NLRP3: variants seen among roughly 807,000 people sequenced by gnomAD.
NLRP3 encodes NLR family pyrin domain containing 3.
In NLRP3, 48 loss-of-function variants were observed where a neutral mutation model predicts 91.3. That is an observed-to-expected ratio of 0.53 (90% CI 0.42 to 0.67). The LOEUF is 0.67. Ranked by LOEUF, NLRP3 falls within the 30% of genes least tolerant of loss-of-function variation. The pLI, the probability that NLRP3 is intolerant of heterozygous loss-of-function variation, is 0.00. For synonymous variants in NLRP3, 561 were observed against 507.9 expected, an observed-to-expected ratio of 1.10 and a Z score of -1.41; for missense variants, 982 against 1,276.9, an observed-to-expected ratio of 0.77 and a Z score of 3.52.
chr1:247,424,911 AG>A lies in NLRP3; in HGVS notation c.1464del (p.Asn489IlefsTer13). ...QKILFEESDL[R>X]NHGLQKADVS... is the part of the protein sequence containing the mutation. ...AATCCTGTTTGAGGAGTCCGACCTC[AG>A]GAATCATGGACTGCAGAAGGCGGAT... On this transcript the variant is annotated frameshift_variant, in exon 4 of 10. Transcript: ENST00000336119. LOFTEE classifies it high-confidence loss of function. The surrounding 1 kb of genome is among the most constrained non-coding windows in gnomAD (Gnocchi z 8.1). 1 of 1,612,498 alleles carries A rather than the reference AG, an allele frequency of 6.2e-7. No individual in the cohort carries two copies. The highest frequency in any genetic ancestry group is 2.2e-5 in the East Asian group (1 of 44,876).
Position 247,419,279 on chromosome 1 carries a change from C to T in NLRP3, c.277+202C>T, listed in dbSNP as rs1019039721. ...AAGCGATTTTCCTGCCTCAGCCTCC[C>T]AAGTAGCTGGGATTACAGGCATTGC... On this transcript the variant is annotated intron_variant, in intron 2 of 9. Coordinates refer to ENST00000336119, the MANE Select transcript of NLRP3 (RefSeq NM_001243133.2). 2.6e-5 allele frequency among the ~76,000 whole-genome samples: 4 copies of T among 151,930 alleles called. No homozygotes were observed. The East Asian group carries it at 5.8e-4, about 22-fold the overall frequency.
intron 2 of NLRP3, among the ~76,000 whole-genome samples, chr1:247,421,797 A>G (rs1662478173): frequency 6.6e-6 from 1 of 152,154 alleles, no homozygotes; most frequent in Non-Finnish European, 1.5e-5. Context: ...TAGGGTTAGA[A>G]GTTTGTTTGT....
At chr1:247,421,078 T>C (rs963997672) in intron 2 of NLRP3, among the ~76,000 whole-genome samples, 3 of 152,188 alleles carry the variant, frequency 2.0e-5, no homozygotes, top group African/African-American at 7.2e-5. Context: ...ACTTTGGGAA[T>C]TGGAATGTAA....
At chr1:247,443,409 G>A (rs116793821) in intron 7 of NLRP3, among the ~76,000 whole-genome samples, 2,846 of 152,244 alleles carry the variant, frequency 0.019, 95 homozygotes, top group African/African-American at 0.065. Flanking sequence ...GCGCAGGAAG[G>A]CGGGAGGTGG....
chr1:247,445,269 C>T (rs775032914), intron 9 of NLRP3, among the ~76,000 whole-genome samples: 3 of 152,120 alleles, frequency 2.0e-5, no homozygotes, highest in South Asian at 2.1e-4. Flanking sequence ...GGCATGATCT[C>T]GGCTCACTGC....
At position 247,419,146 on chromosome 1, in the gene NLRP3, A is replaced by T. The variant is rs1572153393; in HGVS notation, c.277+69A>T. The stretch of plus-strand genomic sequence containing the variant: ...ACATAGTGTACAATTTTCCATCTTT[A>T]TATATATATATATATATATTTTTTT... On this transcript the variant is annotated intron_variant, in intron 2 of 9. Coordinates refer to ENST00000336119, the MANE Select transcript of NLRP3 (RefSeq NM_001243133.2). 16 of 670,158 alleles carry T rather than the reference A, an allele frequency of 2.4e-5. 1 individual carries two copies. In the South Asian group the frequency reaches 3.8e-4, roughly 16 times the overall value. 41.5% of individuals were successfully genotyped at this position (670,158 alleles called of 1,614,324 possible).
chr1:247,419,417 A>G (rs1010507152), intron 2 of NLRP3, among the ~76,000 whole-genome samples: 1 of 152,126 alleles, frequency 6.6e-6, no homozygotes, highest in Non-Finnish European at 1.5e-5. Context: ...GGCCTCGCAA[A>G]GTGCTGGAAT....
intron 7 of NLRP3, among the ~76,000 whole-genome samples, chr1:247,441,307 T>G (rs1271210262): frequency 6.6e-6 from 1 of 150,550 alleles, no homozygotes; most frequent in Non-Finnish European, 1.5e-5. Flanking sequence ...GGTAGGATCA[T>G]AGCTCACTGT....
At chr1:247,438,308 T>G (rs1663937088) in intron 7 of NLRP3, among the ~76,000 whole-genome samples, 1 of 151,794 alleles carries the variant, frequency 6.6e-6, no homozygotes, top group African/African-American at 2.4e-5. Context: ...ATGTTATAGC[T>G]TCCCCCTCCC....
rs774495172 is a variant in NLRP3, at chr1:247,425,469, G to A, written c.2020G>A (p.Val674Met). The part of the protein sequence containing the change: ...SSFCIENCHR[V>M]ESLSLGFLHN... ...CTTTTGCATTGAGAACTGTCATCGG[G>A]TGGAGTCACTGTCCCTGGGGTTTCT... is the stretch of plus-strand genomic sequence containing the variant. Residue 674 changes from valine (V) to methionine (M), a missense_variant, in exon 4 of 10, where the codon GTG becomes ATG. Physicochemically the swap from Val to Met is conservative, Grantham distance 21 (BLOSUM62 1). Transcript: ENST00000336119. The surrounding 1 kb of genome is among the most constrained non-coding windows in gnomAD (Gnocchi z 4.1). 1 of 1,614,198 alleles carries A rather than the reference G, an allele frequency of 6.2e-7. No individual in the cohort carries two copies.
intron 2 of NLRP3, among the ~76,000 whole-genome samples, 177 bp from the exon 3 acceptor site, chr1:247,423,053 G>A (rs986239869): frequency 2.0e-5 from 3 of 152,198 alleles, no homozygotes; most frequent in Non-Finnish European, 2.9e-5. Context: ...AACTAGGAGT[G>A]CAGAAATGCT....
rs1040816447 is a variant in NLRP3 at position 247,424,223 on chromosome 1, C to T, written c.774C>T (p.His258=). 12 of 1,613,986 alleles carry T rather than the reference C, an allele frequency of 7.4e-6. No homozygotes were observed. Among genetic ancestry groups the T allele is most frequent in the African/African-American group, 1.3e-5 (1 of 74,910 alleles). ...QDRFDYLFYI[H]CREVSLVTQR... ...GGTTTGACTATCTGTTCTATATCCA[C>T]TGTCGAGAGGTGAGCCTTGTGACAC... The change falls in exon 4 of 10, where the codon CAC becomes CAT. Residue 258 remains histidine, a synonymous_variant. Coordinates refer to ENST00000336119, the MANE Select transcript of NLRP3 (RefSeq NM_001243133.2). The surrounding 1 kb of genome is among the most constrained non-coding windows in gnomAD (Gnocchi z 8.1).
intron 9 of NLRP3, among the ~76,000 whole-genome samples, chr1:247,447,117 A>ATTGT (rs1664634265): frequency 6.6e-6 from 1 of 152,230 alleles, no homozygotes; most frequent in Non-Finnish European, 1.5e-5. Context: ...TGCGATAACA[A>ATTGT]GCTGCTTTAG....
intron 4 of NLRP3, among the ~76,000 whole-genome samples, chr1:247,428,093 T>C (rs950305651): frequency 6.7e-6 from 1 of 148,984 alleles, no homozygotes; most frequent in Non-Finnish European, 1.5e-5. Flanking sequence ...TTTCTCTAGA[T>C]AGCACCTTCC....
intron 9 of NLRP3, among the ~76,000 whole-genome samples, chr1:247,446,836 G>T (rs1664617138): frequency 6.6e-6 from 1 of 152,216 alleles, no homozygotes; most frequent in Non-Finnish European, 1.5e-5. Flanking sequence ...CTGAGAACTT[G>T]TTGGAATGCA....
At chr1:247,444,211 A>C in intron 8 of NLRP3, 69 bp downstream of exon 8, 1 of 1,454,152 alleles carries the variant, frequency 6.9e-7, no homozygotes, top group South Asian at 1.1e-5. Flanking sequence ...GTTTAGGCAG[A>C]GTGGCCACAA....
At chr1:247,435,624 T>G (rs992557547) in intron 6 of NLRP3, among the ~76,000 whole-genome samples, 3 of 152,052 alleles carry the variant, frequency 2.0e-5, no homozygotes, top group African/African-American at 7.2e-5. Flanking sequence ...ATGAAAGGAG[T>G]TCTGGAGATG....
intron 7 of NLRP3, among the ~76,000 whole-genome samples, chr1:247,442,531 G>GT (rs1664304934): frequency 6.6e-6 from 1 of 152,030 alleles, no homozygotes. Context: ...CATTTTTGGG[G>GT]TTTTATGCTC....
At chr1:247,445,303 C>A (rs1004895045) in intron 9 of NLRP3, among the ~76,000 whole-genome samples, 1 of 152,106 alleles carries the variant, frequency 6.6e-6, no homozygotes, top group Non-Finnish European at 1.5e-5. Flanking sequence ...CGGGTTCACG[C>A]CATTCTCCTG....
Sources: allele counts gnomAD v4.1 joint callset (sites outside exome capture counted in the v4.1 genomes callset), GRCh38; gene constraint gnomAD v4.1.1; non-coding constraint Gnocchi (gnomAD v3.1); transcripts MANE v1.5; gene names NCBI Gene and HGNC (gene_info 2026-07-23, HGNC 2026-07-21).